CDH18: variants seen among roughly 807,000 people sequenced by gnomAD.
The protein encoded by CDH18 is cadherin 18.
CDH18 carries 31 observed loss-of-function variants against 67.9 expected under a neutral mutation model. That is an observed-to-expected ratio of 0.46 (90% CI 0.34 to 0.62). The LOEUF is 0.62. CDH18 is among the 20% of genes least tolerant of loss of function. The pLI is 0.01. For missense variants in CDH18, 890 were observed against 975.5 expected, an observed-to-expected ratio of 0.91 and a Z score of 1.17; for synonymous variants, 362 against 347.2, an observed-to-expected ratio of 1.04 and a Z score of -0.48.
chr5:19,767,064 A>C (rs1446581760), intron 3 of CDH18, among the ~76,000 whole-genome samples: 1 of 151,844 alleles, frequency 6.6e-6, no homozygotes, highest in East Asian at 1.9e-4. Flanking sequence ...TAATTTCAAT[A>C]AGGCATATCA....
intron 8 of CDH18, among the ~76,000 whole-genome samples, chr5:19,567,473 G>A (rs1302217505): frequency 6.6e-6 from 1 of 151,942 alleles, no homozygotes; most frequent in Non-Finnish European, 1.5e-5. Context: ...TGCATTTCAG[G>A]GCACATTGCA....
chr5:20,168,479 G>C (rs1736463004), intron 2 of CDH18, among the ~76,000 whole-genome samples: 1 of 151,982 alleles, frequency 6.6e-6, no homozygotes, highest in African/African-American at 2.4e-5. Context: ...CTATGTATTT[G>C]TGCTTTCAGA....
chr5:20,069,524 T>C (rs1169369109), intron 2 of CDH18, among the ~76,000 whole-genome samples: 1 of 152,042 alleles, frequency 6.6e-6, no homozygotes, highest in Non-Finnish European at 1.5e-5. Context: ...GCGAGTCTCC[T>C]GCCTCAGCCT....
chr5:19,634,640 G>T (rs928637503), intron 5 of CDH18, among the ~76,000 whole-genome samples: 3 of 151,992 alleles, frequency 2.0e-5, no homozygotes, highest in South Asian at 2.1e-4. Context: ...TTCTCCCAAA[G>T]AATGTATTTG....
intron 5 of CDH18, among the ~76,000 whole-genome samples, chr5:19,703,764 A>T (rs1763594762): frequency 6.7e-6 from 1 of 149,024 alleles, no homozygotes; most frequent in Non-Finnish European, 1.5e-5. Context: ...TATTATAGCT[A>T]CATTTGAGCC....
chr5:20,538,621 G>C (rs1213332803), intron 1 of CDH18, among the ~76,000 whole-genome samples: 1 of 152,082 alleles, frequency 6.6e-6, no homozygotes, highest in Non-Finnish European at 1.5e-5. Flanking sequence ...CCTGTAGGGA[G>C]TTAATCATGA....
At chr5:19,512,310 T>C (rs1408853754) in intron 10 of CDH18, among the ~76,000 whole-genome samples, 5 of 152,174 alleles carry the variant, frequency 3.3e-5, no homozygotes, top group Non-Finnish European at 5.9e-5. Flanking sequence ...TTATAATTAG[T>C]CCGAAAACAA....
In CDH18 at chr5:20,395,359, G is replaced by A. The variant is rs574157919; in HGVS notation, c.-579-139854C>T. ...TCAGGGGTGAAAAACCAAATACCAC[G>A]TGTTCCCACTTATTAAGTGGGAACT... is the stretch of plus-strand genomic sequence containing the variant. On this transcript the variant is annotated intron_variant, in intron 1 of 14. Coordinates refer to the CDH18 transcript ENST00000507958. Among the ~76,000 whole-genome samples, 140 of 152,180 alleles carry A rather than the reference G, an allele frequency of 9.2e-4. 1 individual carries two copies. Among genetic ancestry groups the A allele is most frequent in the Non-Finnish European group, 1.4e-3 (98 of 68,010 alleles).
chr5:19,706,735 C>T lies in CDH18; in HGVS notation c.643+14612G>A, dbSNP rs144466320. On this transcript the variant is annotated intron_variant, in intron 5 of 12. Transcript: ENST00000382275. ...AGCCAAATTCCAGCTACATTTTTAT[C>T]TATATGGAATATTAAACACATTACT... is the stretch of plus-strand genomic sequence containing the variant. Among the ~76,000 whole-genome samples the T allele has an allele frequency of 4.5e-4, 69 of 152,262 alleles. No homozygotes were observed. In the East Asian group the frequency reaches 9.5e-3, roughly 21 times the overall value.
intron 1 of CDH18, among the ~76,000 whole-genome samples, chr5:19,985,750 A>G (rs997520866): frequency 1.3e-5 from 2 of 152,128 alleles, no homozygotes; most frequent in Non-Finnish European, 2.9e-5. Flanking sequence ...TAAAAAAAAA[A>G]GAAAGACAAA....
chr5:20,317,963 C>T (rs1276832564), intron 1 of CDH18, among the ~76,000 whole-genome samples: 1 of 152,144 alleles, frequency 6.6e-6, no homozygotes, highest in Non-Finnish European at 1.5e-5. Context: ...ATAGTATATT[C>T]TCTACTTGGA....
chr5:19,558,397 T>A (rs551400896), intron 8 of CDH18, among the ~76,000 whole-genome samples: 1 of 152,060 alleles, frequency 6.6e-6, no homozygotes, highest in Non-Finnish European at 1.5e-5. Flanking sequence ...GATAGATCAT[T>A]AGTGAGATTA....
intron 2 of CDH18, among the ~76,000 whole-genome samples, chr5:20,172,218 A>ATATATG (rs1441096585): frequency 1.2e-5 from 1 of 80,744 alleles, no homozygotes; most frequent in African/African-American, 5.9e-5. Context: ...ATATATATAT[A>ATATATG]TATATGTATA....
chr5:19,567,271 C>A lies in CDH18; in HGVS notation c.1253+4308G>T, dbSNP rs935718858. Among the ~76,000 whole-genome samples the A allele has an allele frequency of 3.3e-5, 5 of 152,134 alleles. No individual in the cohort carries two copies. The South Asian group carries it at 8.3e-4, about 25-fold the overall frequency. ...TGTTTAGAGTTGAAACAGACAAAAC[C>A]TAGACATTATATTCTCTATGAAATC... is the stretch of plus-strand genomic sequence containing the variant. On this transcript the variant is annotated intron_variant, in intron 8 of 12. Coordinates refer to ENST00000382275, the MANE Select transcript of CDH18 (RefSeq NM_004934.5).
At chr5:20,387,288 T>G (rs1744389466) in intron 1 of CDH18, among the ~76,000 whole-genome samples, 1 of 152,204 alleles carries the variant, frequency 6.6e-6, no homozygotes, top group South Asian at 2.1e-4. Flanking sequence ...TTCTTGTCCC[T>G]TGTAAGTTGG....
chr5:20,159,787 C>T (rs1751830482), intron 2 of CDH18, among the ~76,000 whole-genome samples: 1 of 152,132 alleles, frequency 6.6e-6, no homozygotes, highest in Non-Finnish European at 1.5e-5. Flanking sequence ...TTATTATATT[C>T]TGAGAACTAT....
intron 5 of CDH18, among the ~76,000 whole-genome samples, chr5:19,686,643 A>T (rs1278429206): frequency 1.3e-5 from 2 of 152,170 alleles, no homozygotes; most frequent in Non-Finnish European, 2.9e-5. Context: ...ACGAATGTAG[A>T]ATTTTGTGGC....
chr5:19,811,344 G>T (rs1778724318), intron 3 of CDH18, among the ~76,000 whole-genome samples: 1 of 152,064 alleles, frequency 6.6e-6, no homozygotes, highest in Non-Finnish European at 1.5e-5. Context: ...CATTAAGGCA[G>T]TCATTAATCC....
chr5:19,579,161 C>G (rs1742811631), intron 7 of CDH18, among the ~76,000 whole-genome samples: 1 of 151,856 alleles, frequency 6.6e-6, no homozygotes, highest in Non-Finnish European at 1.5e-5. Context: ...AATTTGTGAG[C>G]TATAACCCTC....
Sources: allele counts gnomAD v4.1 joint callset (sites outside exome capture counted in the v4.1 genomes callset), GRCh38; gene constraint gnomAD v4.1.1; transcripts MANE v1.5; gene names NCBI Gene and HGNC (gene_info 2026-07-23, HGNC 2026-07-21).